Variants in ZEB2 observed in about 807,000 individuals in gnomAD.
The protein encoded by ZEB2 is zinc finger E-box binding homeobox 2.
Under a neutral mutation model 99.9 loss-of-function variants are expected in ZEB2, and 6 were observed. The ratio of observed to expected loss-of-function variants is 0.06; its 90% confidence interval spans 0.03 to 0.12. The LOEUF (loss-of-function observed/expected upper bound fraction) is 0.12. ZEB2 is among the 10% of genes least tolerant of loss of function. ZEB2 has a pLI of 1.00. For missense variants in ZEB2, 969 were observed against 1,502.8 expected, an observed-to-expected ratio of 0.64 and a Z score of 5.87; for synonymous variants, 517 against 542.5, an observed-to-expected ratio of 0.95 and a Z score of 0.65.
At chr2:144,435,717 G>A (rs1703828263) in intron 2 of ZEB2, among the ~76,000 whole-genome samples, 1 of 152,020 alleles carries the variant, frequency 6.6e-6, no homozygotes, top group African/African-American at 2.4e-5. Flanking sequence ...TAAAGGCCTT[G>A]TGGGCCTGCT....
At chr2:144,489,459 C>T (rs1704645682) in intron 2 of ZEB2, among the ~76,000 whole-genome samples, 1 of 152,090 alleles carries the variant, frequency 6.6e-6, no homozygotes, top group African/African-American at 2.4e-5. Flanking sequence ...CAGGTTTCAC[C>T]CCACTAAAAT....
At chr2:144,501,086 G>A (rs1195972206) in intron 2 of ZEB2, among the ~76,000 whole-genome samples, 8 of 151,716 alleles carry the variant, frequency 5.3e-5, no homozygotes, top group Non-Finnish European at 7.4e-5. Context: ...GGGGGGTAGC[G>A]GGGGGAAAGA....
intron 2 of ZEB2, among the ~76,000 whole-genome samples, chr2:144,442,826 A>T (rs1019845499): frequency 6.6e-6 from 1 of 152,180 alleles, no homozygotes; most frequent in African/African-American, 2.4e-5. Context: ...TTTTTTAAAA[A>T]ATCTGCACTC....
At chr2:144,447,131 A>C (rs1703996454) in intron 2 of ZEB2, among the ~76,000 whole-genome samples, 1 of 152,176 alleles carries the variant, frequency 6.6e-6, no homozygotes, top group Non-Finnish European at 1.5e-5. Flanking sequence ...ATTTCTTTAA[A>C]TGACATATTC....
rs530702378 is a variant in ZEB2, at chr2:144,444,067, C to T, written c.74-14041G>A. ...CAAAAGAGGCCAAACAGAAACTTTTCTTTTTGGTAGCTTCATCCAAACTTT... is the reference window on the plus strand; with the variant it reads ...CAAAAGAGGCCAAACAGAAACTTTTTTTTTTGGTAGCTTCATCCAAACTTT... On this transcript the variant is annotated intron_variant, in intron 2 of 9. Coordinates refer to ENST00000627532, the MANE Select transcript of ZEB2 (RefSeq NM_014795.4). 8.8e-4 allele frequency among the ~76,000 whole-genome samples: 134 copies of T among 152,300 alleles called. 1 individual carries two copies. The highest frequency in any genetic ancestry group is 3.2e-3 in the African/African-American group (132 of 41,572).
chr2:144,417,150 C>T (rs536313201), intron 4 of ZEB2, among the ~76,000 whole-genome samples: 4 of 152,222 alleles, frequency 2.6e-5, no homozygotes, highest in African/African-American at 4.8e-5. Context: ...TTAGTAGGGT[C>T]CCAATAAGTG....
chr2:144,441,060 C>T (rs368661229), intron 2 of ZEB2, among the ~76,000 whole-genome samples: 13 of 148,102 alleles, frequency 8.8e-5, no homozygotes, highest in Middle Eastern at 3.4e-3. Flanking sequence ...TTTGCCGCCA[C>T]CAGACACGGC....
chr2:144,498,396 TGA>T (rs1704820227), intron 2 of ZEB2, among the ~76,000 whole-genome samples: 1 of 151,630 alleles, frequency 6.6e-6, no homozygotes, highest in African/African-American at 2.4e-5. Flanking sequence ...TGCTGAAATT[TGA>T]GCCAAGCCCC....
At chr2:144,443,510 C>T (rs1459631496) in intron 2 of ZEB2, among the ~76,000 whole-genome samples, 2 of 152,052 alleles carry the variant, frequency 1.3e-5, no homozygotes, top group African/African-American at 2.4e-5. Flanking sequence ...TAACATATTA[C>T]GATGCCAGAA....
At chr2:144,471,794 T>G (rs962954867) in intron 2 of ZEB2, among the ~76,000 whole-genome samples, 5 of 149,376 alleles carry the variant, frequency 3.3e-5, no homozygotes, top group Admixed American at 1.3e-4. Context: ...CACTTGTGTT[T>G]TTTTTTTTTA....
At chr2:144,436,125 A>C (rs1488429712) in intron 2 of ZEB2, among the ~76,000 whole-genome samples, 1 of 152,118 alleles carries the variant, frequency 6.6e-6, no homozygotes, top group East Asian at 1.9e-4. Context: ...ATGAATCTTG[A>C]TTTCTCCATT....
At chr2:144,513,567 T>C (rs2149932187) in intron 2 of ZEB2, 3 of 1,529,374 alleles carry the variant, frequency 2.0e-6, no homozygotes, top group South Asian at 1.2e-5. Flanking sequence ...TGCTACAACG[T>C]GCATGTCTCT....
At chr2:144,494,164 A>C (rs1220102103) in intron 2 of ZEB2, 3 of 151,738 alleles carry the variant, frequency 2.0e-5, no homozygotes, top group Non-Finnish European at 2.9e-5. Context: ...AAAAAAAAAA[A>C]AAAAAAAAAA....
intron 9 of ZEB2, among the ~76,000 whole-genome samples, chr2:144,395,514 C>A (rs1011404687): frequency 3.3e-5 from 5 of 151,940 alleles, no homozygotes; most frequent in Non-Finnish European, 7.4e-5. Context: ...CTTTTTCCCC[C>A]CCGATCCAGG....
rs1002692439 is a variant in ZEB2 at position 144,402,426 on chromosome 2, C to G, written c.808-1119G>C. Among the ~76,000 whole-genome samples the G allele has an allele frequency of 3.7e-4, 56 of 152,082 alleles. 1 individual carries two copies. The highest frequency in any genetic ancestry group is 1.3e-3 in the African/African-American group (54 of 41,410). ...AGCAACCTTCAAAGATCAAGCAGAG[C>G]CCAGCCCGCCGAGCGCCATTGAGGG... is the stretch of plus-strand genomic sequence containing the variant. On this transcript the variant is annotated intron_variant, in intron 6 of 9. Coordinates refer to ENST00000627532, the MANE Select transcript of ZEB2 (RefSeq NM_014795.4).
chr2:144,394,621 T>C (rs182282143), intron 9 of ZEB2: 63 of 152,276 alleles, frequency 4.1e-4, no homozygotes, highest in African/African-American at 1.5e-3. Flanking sequence ...TAAAAGAAAA[T>C]TTTGATGTTT....
chr2:144,471,043 C>T (rs779272826), intron 2 of ZEB2, among the ~76,000 whole-genome samples: 3 of 152,148 alleles, frequency 2.0e-5, no homozygotes, highest in Non-Finnish European at 4.4e-5. Context: ...GAATCACTCT[C>T]ACATTTGAAG....
intron 2 of ZEB2, among the ~76,000 whole-genome samples, chr2:144,490,654 C>T (rs1056332930): frequency 6.6e-6 from 1 of 152,100 alleles, no homozygotes; most frequent in Non-Finnish European, 1.5e-5. Flanking sequence ...AAAAGAGCCT[C>T]GATGAAAGTG....
intron 2 of ZEB2, among the ~76,000 whole-genome samples, chr2:144,484,992 T>C (rs577423791): frequency 1.1e-3 from 164 of 152,354 alleles, no homozygotes; most frequent in South Asian, 2.5e-3. Flanking sequence ...TTGGCATACA[T>C]GGCAATTATA....
Sources: gnomAD v4.1 joint callset for allele counts (sites outside exome capture counted in the v4.1 genomes callset) on GRCh38, gnomAD v4.1.1 for gene constraint, MANE v1.5 for transcripts, NCBI Gene and HGNC (gene_info 2026-07-23, HGNC 2026-07-21) for gene names.